The following SMOC2 variants were observed in gnomAD, a reference collection of about 807,000 sequenced individuals.
The protein encoded by SMOC2 is SPARC-related modular calcium-binding protein 2.
SMOC2 carries 39 observed loss-of-function variants against 61.4 expected under a neutral mutation model. The observed-to-expected ratio is 0.64, with a 90% CI of 0.49 to 0.83. The LOEUF is 0.83. SMOC2 is among the 40% of genes least tolerant of loss of function. The probability of loss-of-function intolerance (pLI) is 0.00; values close to 1 mark genes in which losing one functional copy is unlikely to be tolerated. For missense variants in SMOC2, 556 were observed against 592.9 expected (o/e 0.94, Z 0.65); for synonymous variants, 247 against 239.9 (o/e 1.03, Z -0.27).
intron 9 of SMOC2, among the ~76,000 whole-genome samples, chr6:168,611,355 G>A (rs1314303829): frequency 4.5e-5 from 3 of 66,320 alleles, no homozygotes; most frequent in African/African-American, 6.2e-5. Flanking sequence ...CGTGGCTCCC[G>A]TGTCGGGCCT....
chr6:168,443,967 G>A (rs1271270318), intron 1 of SMOC2, among the ~76,000 whole-genome samples: 2 of 152,166 alleles, frequency 1.3e-5, no homozygotes, highest in African/African-American at 2.4e-5. Flanking sequence ...CTTTTAATGC[G>A]CCTACTATAT....
chr6:168,586,579 A>G (rs1322758596), intron 7 of SMOC2, among the ~76,000 whole-genome samples: 1 of 152,238 alleles, frequency 6.6e-6, no homozygotes. Context: ...ACTGGGGGGA[A>G]TTAAAGCATT....
chr6:168,617,784 C>A (rs1218990952), intron 9 of SMOC2, among the ~76,000 whole-genome samples: 1 of 152,228 alleles, frequency 6.6e-6, no homozygotes, highest in Non-Finnish European at 1.5e-5. Flanking sequence ...CTTGTTGTGA[C>A]CGATGGGGCC....
At chr6:168,609,419 GCTT>G (rs10531198) in intron 9 of SMOC2, among the ~76,000 whole-genome samples, 3,748 of 152,232 alleles carry the variant, frequency 0.025, 286 homozygotes, top group Admixed American at 0.16. Context: ...GAATGAATCA[GCTT>G]CTTTCTGGAT....
intron 9 of SMOC2, among the ~76,000 whole-genome samples, chr6:168,626,942 ATTC>A (rs972499651): frequency 5.9e-5 from 9 of 152,166 alleles, no homozygotes; most frequent in African/African-American, 1.9e-4. Context: ...CGGGAGAGTC[ATTC>A]TTCTACCTGC....
At chr6:168,576,852 T>G (rs914949645) in intron 7 of SMOC2, among the ~76,000 whole-genome samples, 1 of 152,080 alleles carries the variant, frequency 6.6e-6, no homozygotes, top group East Asian at 1.9e-4. Context: ...CATGCTTAAA[T>G]TGAGCACTTT....
intron 2 of SMOC2, among the ~76,000 whole-genome samples, chr6:168,521,738 C>T (rs1185110424): frequency 6.6e-6 from 1 of 152,074 alleles, no homozygotes; most frequent in East Asian, 1.9e-4. Flanking sequence ...AAAAATTTGC[C>T]AGTCGTGGTG....
intron 11 of SMOC2, among the ~76,000 whole-genome samples, chr6:168,662,726 G>A (rs766135084): frequency 4.6e-5 from 7 of 152,184 alleles, no homozygotes; most frequent in Non-Finnish European, 7.3e-5. Context: ...ACGTGGGAGA[G>A]GTGGGCGGTT....
At chr6:168,567,849 C>T (rs1784577190) in intron 7 of SMOC2, among the ~76,000 whole-genome samples, 2 of 150,778 alleles carry the variant, frequency 1.3e-5, no homozygotes, top group Admixed American at 6.6e-5. Context: ...TGGTGTGAGT[C>T]GGTGTCTCAT....
chr6:168,574,777 G>T (rs897623582), intron 7 of SMOC2, among the ~76,000 whole-genome samples: 6 of 152,284 alleles, frequency 3.9e-5, no homozygotes, highest in Admixed American at 3.9e-4. Flanking sequence ...TTCCATGCTG[G>T]TCTCACTTCA....
intron 7 of SMOC2, among the ~76,000 whole-genome samples, chr6:168,560,340 T>C (rs1005755421): frequency 3.3e-5 from 5 of 152,250 alleles, no homozygotes; most frequent in Non-Finnish European, 7.3e-5. Context: ...GTAAAGCACC[T>C]TCTTCAGTTA....
chr6:168,621,344 TC>T (rs1417401667), intron 9 of SMOC2, among the ~76,000 whole-genome samples: 1 of 152,212 alleles, frequency 6.6e-6, no homozygotes, highest in Non-Finnish European at 1.5e-5. Flanking sequence ...ATAGTATTAG[TC>T]CCAGTGTCAG....
At chr6:168,442,387 A>C (rs1781233259) in intron 1 of SMOC2, among the ~76,000 whole-genome samples, 1 of 152,246 alleles carries the variant, frequency 6.6e-6, no homozygotes, top group South Asian at 2.1e-4. Context: ...CCCGCCGGCC[A>C]AGCCAACCCG....
At chr6:168,462,667 T>C (rs909012012) in intron 1 of SMOC2, among the ~76,000 whole-genome samples, 2 of 152,168 alleles carry the variant, frequency 1.3e-5, no homozygotes, top group Non-Finnish European at 2.9e-5. Flanking sequence ...CAATTCAGGC[T>C]GCAAGCTTTG....
chr6:168,523,642 G>A (rs1054374489), intron 2 of SMOC2, among the ~76,000 whole-genome samples: 18 of 147,572 alleles, frequency 1.2e-4, no homozygotes, highest in South Asian at 4.3e-4. Flanking sequence ...CTCGTGATGC[G>A]CCCACCTCAG....
At chr6:168,574,233 G>A (rs574141660) in intron 7 of SMOC2, among the ~76,000 whole-genome samples, 1 of 152,356 alleles carries the variant, frequency 6.6e-6, no homozygotes, top group South Asian at 2.1e-4. Flanking sequence ...TGGGAGGGGG[G>A]CCAGGCCCTG....
At chr6:168,496,360 A>G (rs1159601306) in intron 1 of SMOC2, among the ~76,000 whole-genome samples, 1 of 152,228 alleles carries the variant, frequency 6.6e-6, no homozygotes, top group East Asian at 1.9e-4. Context: ...GCCTTGTCCC[A>G]GACAGCAGCC....
At chr6:168,584,742 T>C (rs550927373) in intron 7 of SMOC2, among the ~76,000 whole-genome samples, 1 of 152,304 alleles carries the variant, frequency 6.6e-6, no homozygotes, top group African/African-American at 2.4e-5. Context: ...CAGGCTTATG[T>C]AGACATAGAT....
intron 1 of SMOC2, among the ~76,000 whole-genome samples, chr6:168,507,664 CTG>C (rs1211059099): frequency 6.6e-6 from 1 of 152,262 alleles, no homozygotes; most frequent in African/African-American, 2.4e-5. Flanking sequence ...TGAGACTCAT[CTG>C]TGGCAGAATT....
Sources: allele counts gnomAD v4.1 joint callset (sites outside exome capture counted in the v4.1 genomes callset), GRCh38; gene constraint gnomAD v4.1.1; transcripts MANE v1.5; gene names NCBI Gene and HGNC (gene_info 2026-07-23, HGNC 2026-07-21).